The following RAPGEF2 variants were observed in gnomAD, a reference collection of about 807,000 sequenced individuals.
RAPGEF2 encodes the protein Rap guanine nucleotide exchange factor 2, also known as PDZ domain containing guanine nucleotide exchange factor (GEF) 1.
Under a neutral mutation model 186.7 loss-of-function variants are expected in RAPGEF2, and 54 were observed. The ratio of observed to expected loss-of-function variants is 0.29; its 90% confidence interval spans 0.23 to 0.36. The LOEUF (loss-of-function observed/expected upper bound fraction) is 0.36, where lower values mean the gene tolerates loss of function less well. Among genes scored for constraint, RAPGEF2 ranks in the 10% least tolerant of loss-of-function variants. The pLI, the probability that RAPGEF2 is intolerant of heterozygous loss-of-function variation, is 1.00. For missense variants in RAPGEF2, 1,532 were observed against 2,045.0 expected (o/e 0.75, Z 4.84); for synonymous variants, 712 against 705.9 (o/e 1.01, Z -0.14).
chr4:159,145,514 T>G (rs1742864154), intron 1 of RAPGEF2, among the ~76,000 whole-genome samples: 1 of 151,872 alleles, frequency 6.6e-6, no homozygotes, highest in Admixed American at 6.6e-5. Flanking sequence ...CCAAAAACAT[T>G]ACCAAAAACA....
At chr4:159,196,195 G>GTT (rs1748635545) in intron 3 of RAPGEF2, among the ~76,000 whole-genome samples, 1 of 152,012 alleles carries the variant, frequency 6.6e-6, no homozygotes, top group African/African-American at 2.4e-5. Flanking sequence ...TAGTTGAATT[G>GTT]TTTTCTTCCA....
Position 159,165,808 on chromosome 4 carries a change from G to C in RAPGEF2, c.70-20834G>C, listed in dbSNP as rs1000957071. 2.6e-5 allele frequency among the ~76,000 whole-genome samples: 4 copies of C among 152,242 alleles called. No individual in the cohort carries two copies. In the East Asian group the frequency reaches 7.7e-4, roughly 29 times the overall value. ...GGGTCTCGCTATGTTGCCCAGGCTG[G>C]TCTCGAATTTATGGGCTCAGGCAGT... On this transcript the variant is annotated intron_variant, in intron 1 of 29. Transcript: ENST00000691494.
Position 159,331,670 on chromosome 4 carries a change from C to G in RAPGEF2, c.1616C>G (p.Ala539Gly). The G allele has an allele frequency of 6.2e-7, 1 of 1,614,072 alleles. No homozygotes were observed. The highest frequency in any genetic ancestry group is 8.5e-7 in the Non-Finnish European group (1 of 1,179,992). ...GHLRLLNIAC[A>G]AKAKRRLMTL... The stretch of plus-strand genomic sequence containing the variant: ...CTAAGGCTGTTGAATATCGCGTGTG[C>G]TGCTAAAGCAAAAAGAAGATTGATG... The change falls in exon 15 of 30, where the codon GCT (alanine) becomes GGT (glycine). Residue 539 changes from alanine to glycine, a missense_variant. Ala to Gly is a moderately conservative substitution (Grantham distance 60). This residue lies in a region of RAPGEF2 where 810 missense variants were observed against 1,210.5 expected (regional missense o/e 0.67). Coordinates refer to ENST00000691494, the MANE Select transcript of RAPGEF2 (RefSeq NM_001394067.2).
chr4:159,249,135 T>C (rs1754996484), intron 7 of RAPGEF2, among the ~76,000 whole-genome samples: 1 of 152,208 alleles, frequency 6.6e-6, no homozygotes, highest in South Asian at 2.1e-4. Context: ...TCTGTGCTTG[T>C]ACATGTTTTA....
At chr4:159,137,141 A>G (rs1333162675) in intron 1 of RAPGEF2, among the ~76,000 whole-genome samples, 2 of 152,226 alleles carry the variant, frequency 1.3e-5, no homozygotes, top group East Asian at 1.9e-4. Flanking sequence ...CCTTGGTTTA[A>G]GAAGTTTACT....
At chr4:159,286,384 G>A (rs1293994004) in intron 7 of RAPGEF2, among the ~76,000 whole-genome samples, 1 of 151,952 alleles carries the variant, frequency 6.6e-6, no homozygotes, top group African/African-American at 2.4e-5. Flanking sequence ...ATACCTAATA[G>A]TACTTGTACT....
intron 9 of RAPGEF2, among the ~76,000 whole-genome samples, chr4:159,320,292 T>G (rs1765084573): frequency 6.6e-6 from 1 of 152,128 alleles, no homozygotes; most frequent in Non-Finnish European, 1.5e-5. Flanking sequence ...CTCCCATATA[T>G]GATAGATATG....
chr4:159,309,304 C>T (rs1763679472), intron 8 of RAPGEF2, among the ~76,000 whole-genome samples: 2 of 152,016 alleles, frequency 1.3e-5, no homozygotes, highest in Non-Finnish European at 2.9e-5. Context: ...TTTTTATTTC[C>T]TTCCTAGACG....
At chr4:159,128,396 A>G (rs1740615837) in intron 1 of RAPGEF2, among the ~76,000 whole-genome samples, 1 of 152,148 alleles carries the variant, frequency 6.6e-6, no homozygotes, top group Non-Finnish European at 1.5e-5. Context: ...TAAGTTTAAT[A>G]TATGAGAAAG....
At chr4:159,348,814 A>T (rs1178232291) in intron 25 of RAPGEF2, among the ~76,000 whole-genome samples, 1 of 152,220 alleles carries the variant, frequency 6.6e-6, no homozygotes, top group East Asian at 1.9e-4. Context: ...TGTGGATGAA[A>T]TATTATATGT....
chr4:159,340,765 TACC>T (rs1257089210), intron 19 of RAPGEF2, among the ~76,000 whole-genome samples: 7 of 96,576 alleles, frequency 7.2e-5, no homozygotes, highest in East Asian at 5.7e-4. Context: ...AAACAAAAAA[TACC>T]ACCACCATCA....
chr4:159,195,875 G>GT (rs34827512), intron 3 of RAPGEF2, among the ~76,000 whole-genome samples: 12,817 of 93,930 alleles, frequency 0.14, 1,866 homozygotes, highest in Admixed American at 0.16. Flanking sequence ...AAACATACCT[G>GT]TTTTTTTTTT....
At chr4:159,293,227 A>G (rs973858901) in intron 7 of RAPGEF2, among the ~76,000 whole-genome samples, 3 of 152,232 alleles carry the variant, frequency 2.0e-5, no homozygotes, top group African/African-American at 7.2e-5. Context: ...TCGTCTTAAT[A>G]TCACATCTTA....
intron 1 of RAPGEF2, among the ~76,000 whole-genome samples, chr4:159,130,468 A>T (rs1442162153): frequency 6.6e-6 from 1 of 152,110 alleles, no homozygotes; most frequent in Non-Finnish European, 1.5e-5. Flanking sequence ...AGCTCAAGTG[A>T]TCCTCCCACC....
At chr4:159,267,307 A>G (rs1463553987) in intron 7 of RAPGEF2, 1 of 1,289,272 alleles carries the variant, frequency 7.8e-7, no homozygotes, top group Non-Finnish European at 1.0e-6. Context: ...ATGGTCCTCC[A>G]AAGTAAGCAC....
intron 7 of RAPGEF2, among the ~76,000 whole-genome samples, chr4:159,259,851 TTA>T (rs1491321408): frequency 9.2e-5 from 14 of 152,276 alleles, no homozygotes; most frequent in African/African-American, 2.9e-4. Flanking sequence ...AACTATCTAG[TTA>T]TATATAATCT....
chr4:159,224,106 C>G (rs1047013026), intron 4 of RAPGEF2, among the ~76,000 whole-genome samples: 2 of 152,084 alleles, frequency 1.3e-5, no homozygotes, highest in African/African-American at 4.8e-5. Context: ...GCCATGTTGG[C>G]CAGGCTGGTC....
chr4:159,344,957 A>G (rs1561322291), intron 23 of RAPGEF2, 149 bp from the exon 24 acceptor site: 2 of 624,038 alleles, frequency 3.2e-6, no homozygotes, highest in Non-Finnish European at 5.5e-6. Context: ...AATCTGTATT[A>G]TTCTATATTC....
chr4:159,347,799 G>C (rs963723662), intron 25 of RAPGEF2, among the ~76,000 whole-genome samples: 8 of 152,016 alleles, frequency 5.3e-5, no homozygotes, highest in Non-Finnish European at 1.0e-4. Context: ...AGAAAAAGAA[G>C]AACATCTAGT....
Sources: gnomAD v4.1 joint callset for allele counts (sites outside exome capture counted in the v4.1 genomes callset) on GRCh38, gnomAD v4.1.1 for gene constraint, gnomAD v4.1.1 regional missense constraint, MANE v1.5 for transcripts, NCBI Gene and HGNC (gene_info 2026-07-23, HGNC 2026-07-21) for gene names.